THSD7B: variants seen among roughly 807,000 people sequenced by gnomAD.
The protein encoded by THSD7B is thrombospondin type-1 domain-containing protein 7B.
Under a neutral mutation model 213.6 loss-of-function variants are expected in THSD7B, and 138 were observed. The observed-to-expected ratio is 0.65, with a 90% CI of 0.56 to 0.74. THSD7B has a LOEUF of 0.74. Among genes scored for constraint, THSD7B ranks in the 30% least tolerant of loss-of-function variants. THSD7B has a pLI of 0.00. For synonymous variants in THSD7B, 742 were observed against 687.0 expected (o/e 1.08, Z -1.25); for missense variants, 1,931 against 1,991.5 (o/e 0.97, Z 0.58).
At chr2:137,376,062 A>G (rs1685647021) in intron 12 of THSD7B, among the ~76,000 whole-genome samples, 1 of 152,218 alleles carries the variant, frequency 6.6e-6, no homozygotes. Flanking sequence ...GTGCTAATTT[A>G]TCGTTTCTCT....
At chr2:137,038,484 A>G (rs1291176647) in intron 2 of THSD7B, among the ~76,000 whole-genome samples, 1 of 152,184 alleles carries the variant, frequency 6.6e-6, no homozygotes, top group Non-Finnish European at 1.5e-5. Context: ...CACAGGCATC[A>G]TTGCTGGGAC....
chr2:137,115,466 TA>T (rs1250411607), intron 5 of THSD7B, among the ~76,000 whole-genome samples, 173 bp downstream of exon 5: 2 of 152,166 alleles, frequency 1.3e-5, no homozygotes, highest in African/African-American at 4.8e-5. Flanking sequence ...ACACTTGGGA[TA>T]GTTAAAAATA....
intron 12 of THSD7B, among the ~76,000 whole-genome samples, chr2:137,370,923 G>A (rs1036837035): frequency 1.3e-5 from 2 of 151,284 alleles, no homozygotes; most frequent in Non-Finnish European, 2.9e-5. Flanking sequence ...GCTTACCATG[G>A]GTAAATAAAC....
intron 3 of THSD7B, among the ~76,000 whole-genome samples, chr2:137,077,028 A>G (rs1221823068): frequency 8.1e-6 from 1 of 123,052 alleles, no homozygotes; most frequent in Admixed American, 1.1e-4. Context: ...TCCTGTTTCC[A>G]TGTGTTGTCA....
chr2:136,776,201 C>T (rs1205635812), intron 1 of THSD7B, among the ~76,000 whole-genome samples: 5 of 152,058 alleles, frequency 3.3e-5, no homozygotes, highest in Non-Finnish European at 7.4e-5. Context: ...GAATTGGGCT[C>T]CCTGTCTACC....
At chr2:137,506,204 T>A (rs1430878834) in intron 15 of THSD7B, among the ~76,000 whole-genome samples, 1 of 152,140 alleles carries the variant, frequency 6.6e-6, no homozygotes. Flanking sequence ...AGTTACAGCT[T>A]CACATTACAG....
At chr2:136,979,147 C>G (rs918375819) in intron 2 of THSD7B, among the ~76,000 whole-genome samples, 15 of 152,026 alleles carry the variant, frequency 9.9e-5, no homozygotes, top group African/African-American at 3.4e-4. Context: ...GTAGGGTTTC[C>G]ACTCAGAGGT....
intron 12 of THSD7B, among the ~76,000 whole-genome samples, chr2:137,399,693 A>C (rs909082682): frequency 6.6e-6 from 1 of 151,836 alleles, no homozygotes; most frequent in Non-Finnish European, 1.5e-5. Flanking sequence ...CTTTTTTTGC[A>C]GTGTATTTGA....
intron 3 of THSD7B, among the ~76,000 whole-genome samples, chr2:137,091,118 A>G (rs1035269372): frequency 3.7e-4 from 56 of 152,364 alleles, no homozygotes; most frequent in African/African-American, 1.3e-3. Flanking sequence ...TTTCTTGGAA[A>G]GAAAACAAGA....
At chr2:137,260,957 G>C (rs1006781350) in intron 10 of THSD7B, among the ~76,000 whole-genome samples, 6 of 151,928 alleles carry the variant, frequency 3.9e-5, no homozygotes, top group African/African-American at 9.7e-5. Context: ...ATGCCTACCA[G>C]GTTTATTTTA....
In THSD7B at chr2:137,272,812, TA is replaced by T. The variant is rs1682776936; in HGVS notation, c.2396+151del. 11 of 918,068 alleles carry T rather than the reference TA, an allele frequency of 1.2e-5. No individual in the cohort carries two copies. The South Asian group carries it at 1.7e-4, about 14-fold the overall frequency. 56.9% of individuals were successfully genotyped at this position (918,068 alleles called of 1,614,324 possible). On this transcript the variant is annotated intron_variant, in intron 11 of 27. Transcript: ENST00000409968. Reference sequence around the variant, plus strand: ...AAATACTTTAATATTCTTACCCTCTTATCTGGAACATATTTGGGAGGAGTAG... The same window carrying T: ...AAATACTTTAATATTCTTACCCTCTTTCTGGAACATATTTGGGAGGAGTAG...
At chr2:137,478,172 A>C (rs1688230616) in intron 15 of THSD7B, among the ~76,000 whole-genome samples, 1 of 152,182 alleles carries the variant, frequency 6.6e-6, no homozygotes, top group African/African-American at 2.4e-5. Context: ...ACTTTGTTAA[A>C]TAGGTTTTCT....
At chr2:137,310,719 A>G (rs1358578276) in intron 12 of THSD7B, among the ~76,000 whole-genome samples, 1 of 152,086 alleles carries the variant, frequency 6.6e-6, no homozygotes, top group African/African-American at 2.4e-5. Flanking sequence ...AGCTTTCTAC[A>G]TATGGCTAGC....
chr2:137,013,019 T>C (rs1686259334), intron 2 of THSD7B, among the ~76,000 whole-genome samples: 1 of 152,222 alleles, frequency 6.6e-6, no homozygotes. Context: ...GATAACTCAA[T>C]GAAATGAATG....
chr2:137,652,128 A>G (rs1248529749), intron 21 of THSD7B, among the ~76,000 whole-genome samples: 4 of 152,050 alleles, frequency 2.6e-5, no homozygotes, highest in Non-Finnish European at 5.9e-5. Context: ...TGTCCTGTCA[A>G]TTACTGAGAG....
At chr2:137,449,833 T>G (rs1167771532) in intron 14 of THSD7B, among the ~76,000 whole-genome samples, 1 of 152,134 alleles carries the variant, frequency 6.6e-6, no homozygotes, top group African/African-American at 2.4e-5. Flanking sequence ...GATTAACTGA[T>G]GTGGCATATT....
chr2:137,551,139 T>G (rs920227063), intron 15 of THSD7B, among the ~76,000 whole-genome samples: 11 of 152,052 alleles, frequency 7.2e-5, no homozygotes, highest in African/African-American at 1.2e-4. Flanking sequence ...CTTCAAAAAA[T>G]TATCCTTCTG....
intron 10 of THSD7B, among the ~76,000 whole-genome samples, chr2:137,264,561 T>C (rs953146865): frequency 1.3e-5 from 2 of 152,176 alleles, no homozygotes; most frequent in Non-Finnish European, 2.9e-5. Flanking sequence ...AACAGCCTTC[T>C]TAATGACAAT....
intron 14 of THSD7B, among the ~76,000 whole-genome samples, chr2:137,442,605 G>A (rs1687439766): frequency 6.6e-6 from 1 of 152,046 alleles, no homozygotes; most frequent in Non-Finnish European, 1.5e-5. Flanking sequence ...GAAAGAAAGA[G>A]TAGGTCAAAT....
Sources: gnomAD v4.1 joint callset for allele counts (sites outside exome capture counted in the v4.1 genomes callset) on GRCh38, gnomAD v4.1.1 for gene constraint, MANE v1.5 for transcripts, NCBI Gene and HGNC (gene_info 2026-07-23, HGNC 2026-07-21) for gene names.